TMEM14C: variants seen among roughly 807,000 people sequenced by gnomAD.
TMEM14C encodes transmembrane protein 14C, also known as chromosome 6 open reading frame 53.
Under a neutral mutation model 14.8 loss-of-function variants are expected in TMEM14C, and 13 were observed. The observed-to-expected ratio is 0.88, with a 90% CI of 0.57 to 1.40. The LOEUF (loss-of-function observed/expected upper bound fraction) is 1.40. Among genes scored for constraint, TMEM14C ranks in the 40% most tolerant of loss-of-function variants. The pLI is 0.00. For synonymous variants in TMEM14C, 57 were observed against 51.3 expected (o/e 1.11, Z -0.48); for missense variants, 142 against 138.8 (o/e 1.02, Z -0.12).
chr6:10,723,562 G>A (rs58240154), intron 1 of TMEM14C, among the ~76,000 whole-genome samples: 16,008 of 149,914 alleles, frequency 0.11, 2,099 homozygotes, highest in African/African-American at 0.31. Flanking sequence ...TCCCAAGCCC[G>A]CTGCCCTTCC....
rs1395489608 is a variant in TMEM14C at position 10,723,186 on chromosome 6, C to T, written c.-100C>T. The T allele has an allele frequency of 6.6e-6, 1 of 152,372 alleles. No homozygotes were observed. Among genetic ancestry groups the T allele is most frequent in the African/African-American group, 2.4e-5 (1 of 41,480 alleles). The allele number at this position is 152,372 out of a possible 1,614,324, so 9.4% of individuals were successfully genotyped here. On this transcript the variant is annotated 5_prime_UTR_variant, in exon 1 of 6. Transcript: ENST00000229563. ...CCGCTGCATTTCCGGCGACACCTCGCAGTCATTCCTGCGGCTTGCGCGCCC... is the reference window on the plus strand; with the variant it reads ...CCGCTGCATTTCCGGCGACACCTCGTAGTCATTCCTGCGGCTTGCGCGCCC...
At chr6:10,728,911 G>C (rs1251498545) in intron 5 of TMEM14C, 184 bp downstream of exon 5, 6 of 1,381,136 alleles carry the variant, frequency 4.3e-6, no homozygotes, top group Non-Finnish European at 4.9e-6. Flanking sequence ...AATGGCATGA[G>C]TATATCCATT....
chr6:10,728,946 A>G (rs1363103069), intron 5 of TMEM14C: 1 of 1,153,464 alleles, frequency 8.7e-7, no homozygotes, highest in Non-Finnish European at 1.2e-6. Context: ...GTTTGTTCTC[A>G]TATTTGCTTT....
rs930355783 is a variant in TMEM14C at position 10,724,739 on chromosome 6, G to A, written c.20+106G>A. ...GAGTAGACTGCCTGGGATGGCATGG[G>A]GGATGGGAGGATCACTGGACCTGTG... is the stretch of plus-strand genomic sequence containing the variant. On this transcript the variant is annotated intron_variant, in intron 2 of 5. Transcript: ENST00000229563. 8 of 1,356,518 alleles carry A rather than the reference G, an allele frequency of 5.9e-6. No individual in the cohort carries two copies. In the African/African-American group the frequency reaches 1.1e-4, roughly 19 times the overall value. 84.0% of individuals were successfully genotyped at this position (1,356,518 alleles called of 1,614,324 possible).
At chr6:10,726,209 A>T (rs1770855138) in intron 4 of TMEM14C, among the ~76,000 whole-genome samples, 2 of 152,182 alleles carry the variant, frequency 1.3e-5, no homozygotes, top group African/African-American at 4.8e-5. Context: ...TTTTACATAC[A>T]GAACATGGAA....
intron 2 of TMEM14C, 144 bp from the exon 3 acceptor site, chr6:10,724,817 T>C: frequency 1.5e-6 from 2 of 1,317,116 alleles, no homozygotes; most frequent in Non-Finnish European, 2.2e-6. Flanking sequence ...GTTGTGTGAC[T>C]CTCAGAAAGT....
Position 10,727,158 on chromosome 6 carries a change from C to T in TMEM14C, c.199+1150C>T, listed in dbSNP as rs537998173. Among the ~76,000 whole-genome samples the T allele has an allele frequency of 3.9e-5, 6 of 152,254 alleles. No homozygotes were observed. In the South Asian group the frequency reaches 1.2e-3, roughly 32 times the overall value. ...GGGGACTCCTGGAGCCTTTAATCTC[C>T]AAGCCTCCCCTCGTCCTGTTTCCCT... On this transcript the variant is annotated intron_variant, in intron 4 of 5. Transcript: ENST00000229563.
Position 10,730,520 on chromosome 6 carries a change from C to T in TMEM14C, c.288-95C>T, listed in dbSNP as rs113705326. 79 of 1,222,448 alleles carry T rather than the reference C, an allele frequency of 6.5e-5. 2 individuals carry two copies. In the African/African-American group the frequency reaches 8.0e-4, roughly 12 times the overall value. 75.7% of individuals were successfully genotyped at this position (1,222,448 alleles called of 1,614,324 possible). A position where few individuals can be genotyped will look rare whatever the true frequency, so the allele number is the denominator to read the frequency against. Reference sequence around the variant, plus strand: ...TCTTGCCTTAGTACCTCCTCCCCCACGCAGTTGTGAGGAACCAGCAGTTTA... The same window carrying T: ...TCTTGCCTTAGTACCTCCTCCCCCATGCAGTTGTGAGGAACCAGCAGTTTA... On this transcript the variant is annotated intron_variant, in intron 5 of 5. Coordinates refer to ENST00000229563, the MANE Select transcript of TMEM14C (RefSeq NM_016462.4).
At chr6:10,728,854 T>C in intron 5 of TMEM14C, 127 bp downstream of exon 5, 1 of 1,541,478 alleles carries the variant, frequency 6.5e-7, no homozygotes, top group Non-Finnish European at 8.8e-7. Context: ...ATTTGATATA[T>C]ACACTAATAG....
intron 5 of TMEM14C, among the ~76,000 whole-genome samples, chr6:10,729,176 G>A (rs1264727727): frequency 2.0e-5 from 3 of 151,782 alleles, no homozygotes; most frequent in Non-Finnish European, 2.9e-5. Flanking sequence ...CTGTCACCCA[G>A]GATGGAGTGC....
rs969995710 is a variant in TMEM14C, at chr6:10,725,788, T to A, written c.98-119T>A. 5 of 1,231,642 alleles carry A rather than the reference T, an allele frequency of 4.1e-6. No homozygotes were observed. The Admixed American group carries it at 1.1e-4, about 26-fold the overall frequency. The allele number at this position is 1,231,642 out of a possible 1,614,324, so 76.3% of individuals were successfully genotyped here. ...TCTTCCTGCTTGAGTCCACCTTGGCTATGAGCTGTGTTGAGAGTTCTCTGT... is the reference window on the plus strand; with the variant it reads ...TCTTCCTGCTTGAGTCCACCTTGGCAATGAGCTGTGTTGAGAGTTCTCTGT... On this transcript the variant is annotated intron_variant, in intron 3 of 5. Coordinates refer to ENST00000229563, the MANE Select transcript of TMEM14C (RefSeq NM_016462.4).
intron 1 of TMEM14C, among the ~76,000 whole-genome samples, chr6:10,724,268 C>G (rs757846999): frequency 6.6e-5 from 10 of 152,202 alleles, no homozygotes; most frequent in Non-Finnish European, 1.3e-4. Context: ...CTAACACATT[C>G]CCTGATTTTA....
Position 10,724,643 on chromosome 6 carries a change from G to A in TMEM14C, c.20+10G>A, listed in dbSNP as rs374946062. 3.4e-5 allele frequency: 54 copies of A among 1,611,296 alleles called. No individual in the cohort carries two copies. The African/African-American group carries it at 6.5e-4, about 20-fold the overall frequency. On this transcript the variant is annotated intron_variant, in intron 2 of 5. Transcript: ENST00000229563. ...AGGACACTGGCTCAGTGTGAGTGCA[G>A]TAAATGGGTATGGAGTAGCCAGGAG...
rs1770802093 is a variant in TMEM14C at position 10,724,636 on chromosome 6, G to C, written c.20+3G>C. Reference sequence around the variant, plus strand: ...AAAATGCAGGACACTGGCTCAGTGTGAGTGCAGTAAATGGGTATGGAGTAG... The same window carrying C: ...AAAATGCAGGACACTGGCTCAGTGTCAGTGCAGTAAATGGGTATGGAGTAG... On this transcript the variant is annotated splice_donor_region_variant and intron_variant, in intron 2 of 5. Transcript: ENST00000229563. 6.2e-7 allele frequency: 1 copy of C among 1,612,014 alleles called. No individual in the cohort carries two copies. Among genetic ancestry groups the C allele is most frequent in the South Asian group, 1.1e-5 (1 of 90,796 alleles).
intron 1 of TMEM14C, among the ~76,000 whole-genome samples, chr6:10,723,519 G>A (rs921584950): frequency 2.6e-5 from 4 of 151,746 alleles, no homozygotes; most frequent in East Asian, 3.9e-4. Flanking sequence ...TCCCTTACTC[G>A]GTGCCGTCTC....
chr6:10,731,005 A>T lies in TMEM14C; in HGVS notation c.*339A>T. The T allele has an allele frequency of 9.9e-7, 1 of 1,006,916 alleles. No individual in the cohort carries two copies. The highest frequency in any genetic ancestry group is 9.4e-5 in the East Asian group (1 of 10,604). The allele number at this position is 1,006,916 out of a possible 1,614,324, so 62.4% of individuals were successfully genotyped here. On this transcript the variant is annotated 3_prime_UTR_variant, in exon 6 of 6. Transcript: ENST00000229563. ...AACCCCATTCCCTGCTCTGAGGAAC[A>T]GTGTGAAAAAAAGTCTTTTAGGAGA...
chr6:10,723,370 T>C (rs1010258568), intron 1 of TMEM14C, 129 bp downstream of exon 1: 1 of 152,270 alleles, frequency 6.6e-6, no homozygotes, highest in Non-Finnish European at 1.5e-5. Context: ...GGTCGGTGCT[T>C]TTCTCGTTGG....
In TMEM14C at chr6:10,725,962, T is replaced by A; in HGVS notation, c.153T>A (p.Gly51=). ...GLLFGSLAGL[G]AYQLSQDPRN... is the part of the protein sequence containing the mutation. ...TCTTTGGCAGTCTAGCCGGCCTGGGTGCTTACCAGCTGTCTCAGGATCCAA... is the reference window on the plus strand; with the variant it reads ...TCTTTGGCAGTCTAGCCGGCCTGGGAGCTTACCAGCTGTCTCAGGATCCAA... Residue 51 remains glycine (G), a synonymous_variant, in exon 4 of 6, where the codon GGT becomes GGA. Coordinates refer to ENST00000229563, the MANE Select transcript of TMEM14C (RefSeq NM_016462.4). 1 of 1,614,152 alleles carries A rather than the reference T, an allele frequency of 6.2e-7. No individual in the cohort carries two copies. Among genetic ancestry groups the A allele is most frequent in the Non-Finnish European group, 8.5e-7 (1 of 1,180,030 alleles).
chr6:10,730,577 CT>C (rs1350718392), intron 5 of TMEM14C, 37 bp from the exon 6 acceptor site: 1 of 1,605,598 alleles, frequency 6.2e-7, no homozygotes, highest in East Asian at 2.2e-5. Flanking sequence ...CTGTTCTGTC[CT>C]TTACCTGACA....
Sources: gnomAD v4.1 joint callset for allele counts (sites outside exome capture counted in the v4.1 genomes callset) on GRCh38, gnomAD v4.1.1 for gene constraint, MANE v1.5 for transcripts, NCBI Gene and HGNC (gene_info 2026-07-23, HGNC 2026-07-21) for gene names.